The following CTTNBP2 variants were observed in gnomAD, a reference collection of about 807,000 sequenced individuals.
CTTNBP2 encodes the protein cortactin binding protein 2.
A neutral mutation model predicts 156.9 loss-of-function variants in CTTNBP2; 108 were observed. The ratio of observed to expected loss-of-function variants is 0.69; its 90% CI spans 0.59 to 0.81. The LOEUF is 0.81. CTTNBP2 is among the 30% of genes least tolerant of loss of function. CTTNBP2 has a pLI of 0.00. For missense variants in CTTNBP2, 1,924 were observed against 2,035.4 expected (o/e 0.95, Z 1.05); for synonymous variants, 767 against 751.8 (o/e 1.02, Z -0.33).
intron 2 of CTTNBP2, among the ~76,000 whole-genome samples, chr7:117,829,829 C>G (rs780110073): frequency 2.0e-4 from 30 of 152,198 alleles, no homozygotes; most frequent in Non-Finnish European, 3.8e-4. Flanking sequence ...ATAGTTTGAG[C>G]TGTCTCAGTA....
chr7:117,826,863 ATTATTATTAT>A (rs1801317812), intron 2 of CTTNBP2, among the ~76,000 whole-genome samples: 1 of 144,276 alleles, frequency 6.9e-6, no homozygotes, highest in South Asian at 2.1e-4. Context: ...TATTATTATT[ATTATTATTAT>A]TATTTTGAGA....
chr7:117,780,430 C>A lies in CTTNBP2; in HGVS notation c.2523+11G>T. On this transcript the variant is annotated intron_variant, in intron 7 of 22. Transcript: ENST00000160373. ...ATATATACAGGGGGAAAAAAACAGA[C>A]TGCTACTCACTGTGGTTTTTACACT... is the stretch of plus-strand genomic sequence containing the variant. The A allele has an allele frequency of 6.5e-7, 1 of 1,526,808 alleles. No individual in the cohort carries two copies. The highest frequency in any genetic ancestry group is 8.8e-7 in the Non-Finnish European group (1 of 1,140,828). The allele number at this position is 1,526,808 out of a possible 1,614,324, so 94.6% of individuals were successfully genotyped here. A position where few individuals can be genotyped will look rare whatever the true frequency, so the allele number is the denominator to read the frequency against.
At chr7:117,738,133 C>T (rs542182167) in intron 14 of CTTNBP2, among the ~76,000 whole-genome samples, 8 of 152,152 alleles carry the variant, frequency 5.3e-5, no homozygotes, top group East Asian at 1.9e-4. Flanking sequence ...CTGCAGGAAT[C>T]GCTGGACCCA....
rs111578595 is a variant in CTTNBP2 at position 117,718,503 on chromosome 7, C to T, written c.4645-384G>A. 3.6e-4 allele frequency among the ~76,000 whole-genome samples: 55 copies of T among 152,204 alleles called. 1 individual carries two copies. Among genetic ancestry groups the T allele is most frequent in the African/African-American group, 1.2e-3 (49 of 41,536 alleles). ...TAAATAAGAGTGAATTCTACTTTGT[C>T]GTAGATATTATGACGATTCAAATAA... On this transcript the variant is annotated intron_variant, in intron 21 of 22. Coordinates refer to ENST00000160373, the MANE Select transcript of CTTNBP2 (RefSeq NM_033427.3).
intron 6 of CTTNBP2, among the ~76,000 whole-genome samples, chr7:117,782,643 C>T (rs945859702): frequency 6.6e-6 from 1 of 152,186 alleles, no homozygotes; most frequent in Non-Finnish European, 1.5e-5. Flanking sequence ...AGTTGGGACA[C>T]AGCCCAGTTC....
At chr7:117,760,298 A>T in intron 10 of CTTNBP2, 137 bp downstream of exon 10, 2 of 782,180 alleles carry the variant, frequency 2.6e-6, no homozygotes, top group South Asian at 3.8e-5. Flanking sequence ...TGAATACTCA[A>T]GTTTTTCAGC....
chr7:117,824,434 C>T (rs1373980148), intron 2 of CTTNBP2, among the ~76,000 whole-genome samples: 1 of 152,068 alleles, frequency 6.6e-6, no homozygotes, highest in Non-Finnish European at 1.5e-5. Context: ...TCACTTTAAT[C>T]CTTTCCACTG....
In CTTNBP2 at chr7:117,767,058, C is replaced by T. The variant is rs1293882756; in HGVS notation, c.2896+1G>A. 2 of 1,501,588 alleles carry T rather than the reference C, an allele frequency of 1.3e-6. No individual in the cohort carries two copies. Among genetic ancestry groups the T allele is most frequent in the Admixed American group, 3.3e-5 (2 of 59,836 alleles). 93.0% of individuals were successfully genotyped at this position (1,501,588 alleles called of 1,614,324 possible). ...AACAATAAGCTCTGAACATCACTCA[C>T]TCAGATTCTCCAGCAAATGCTTGCA... On this transcript the variant is annotated splice_donor_variant, in intron 9 of 22. Transcript: ENST00000160373. LOFTEE classifies it high-confidence loss of function.
At chr7:117,784,669 A>G (rs1415225922) in intron 4 of CTTNBP2, among the ~76,000 whole-genome samples, 1 of 152,220 alleles carries the variant, frequency 6.6e-6, no homozygotes, top group East Asian at 1.9e-4. Context: ...ATCAACATAC[A>G]TGGTAAAAAA....
chr7:117,724,624 T>C lies in CTTNBP2; in HGVS notation c.4370A>G (p.Lys1457Arg). 1 of 1,614,150 alleles carries C rather than the reference T, an allele frequency of 6.2e-7. No individual in the cohort carries two copies. The highest frequency in any genetic ancestry group is 8.5e-7 in the Non-Finnish European group (1 of 1,180,018). Residue 1457 changes from lysine to arginine, a missense_variant, in exon 19 of 23, where the codon AAG becomes AGG. Coordinates refer to ENST00000160373, the MANE Select transcript of CTTNBP2 (RefSeq NM_033427.3). ...CTTCCTGCGAGGACTGGTGTTCACC[T>C]TTCTCCAGGCACCACTCTCTCCTTT... ...KKKGESGAWR[K>R]VNTSPRRKSG... is the part of the protein sequence containing the mutation.
At chr7:117,824,425 C>T (rs1477329636) in intron 2 of CTTNBP2, among the ~76,000 whole-genome samples, 2 of 152,136 alleles carry the variant, frequency 1.3e-5, no homozygotes, top group Admixed American at 6.5e-5. Flanking sequence ...TCTACTTTAT[C>T]ACTTTAATCC....
At position 117,711,543 on chromosome 7, in the gene CTTNBP2, G is replaced by A. The variant is rs1297975595; in HGVS notation, c.4986C>T (p.Asn1662=). 1.9e-6 allele frequency: 3 copies of A among 1,611,894 alleles called. No individual in the cohort carries two copies. The highest frequency in any genetic ancestry group is 1.3e-5 in the African/African-American group (1 of 74,656). Residue 1662 remains asparagine, a synonymous_variant, in exon 23 of 23, where the codon AAC becomes AAT. Transcript: ENST00000160373. ...LHKNEHLEKP[N]K is the part of the protein sequence containing the mutation. ...GAGAATATTGTAGGCAGGCCTATTT[G>A]TTAGGTTTTTCTAGGTGTTCATTTT...
intron 10 of CTTNBP2, 21 bp from the exon 11 acceptor site, chr7:117,757,991 A>C (rs964916698): frequency 1.3e-6 from 2 of 1,590,534 alleles, no homozygotes; most frequent in Non-Finnish European, 1.7e-6. Context: ...AAAATGAAAT[A>C]AAATGTCAAG....
chr7:117,780,175 C>T (rs186496477), intron 7 of CTTNBP2, among the ~76,000 whole-genome samples: 1 of 152,248 alleles, frequency 6.6e-6, no homozygotes, highest in Non-Finnish European at 1.5e-5. Flanking sequence ...TGCCCTAGTT[C>T]TAAAAATAAT....
At chr7:117,797,866 C>T (rs1799408693) in intron 3 of CTTNBP2, among the ~76,000 whole-genome samples, 1 of 151,786 alleles carries the variant, frequency 6.6e-6, no homozygotes, top group Non-Finnish European at 1.5e-5. Context: ...AGAAAAAAGA[C>T]AGAATGCAGA....
Position 117,710,989 on chromosome 7 carries a change from A to C in CTTNBP2, c.*548T>G, listed in dbSNP as rs1794024430. The C allele has an allele frequency of 6.5e-6, 1 of 152,678 alleles. No homozygotes were observed. Among genetic ancestry groups the C allele is most frequent in the Non-Finnish European group, 1.5e-5 (1 of 68,062 alleles). The allele number at this position is 152,678 out of a possible 1,614,324, so 9.5% of individuals were successfully genotyped here. ...GATTTAAAACATAAAACTAGAATTT[A>C]ACAAGCAAAATACTTAATATGGCTT... On this transcript the variant is annotated 3_prime_UTR_variant, in exon 23 of 23. Coordinates refer to ENST00000160373, the MANE Select transcript of CTTNBP2 (RefSeq NM_033427.3).
intron 1 of CTTNBP2, 31 bp downstream of exon 1, chr7:117,873,304 A>G (rs1804757410): frequency 1.4e-6 from 2 of 1,408,552 alleles, no homozygotes; most frequent in Non-Finnish European, 1.8e-6. Context: ...CGTCTACACT[A>G]GCCCCGCGCC....
chr7:117,729,222 G>A (rs759956060), intron 16 of CTTNBP2, among the ~76,000 whole-genome samples: 4 of 152,218 alleles, frequency 2.6e-5, no homozygotes, highest in Non-Finnish European at 5.9e-5. Flanking sequence ...AATGTAATCT[G>A]TCTTTCCTAA....
At chr7:117,842,055 G>A (rs1563059702) in intron 2 of CTTNBP2, among the ~76,000 whole-genome samples, 1 of 152,116 alleles carries the variant, frequency 6.6e-6, no homozygotes, top group Non-Finnish European at 1.5e-5. Context: ...GCTCTTCCAG[G>A]CTTCATGGTA....
Sources: gnomAD v4.1 joint callset for allele counts (sites outside exome capture counted in the v4.1 genomes callset) on GRCh38, gnomAD v4.1.1 for gene constraint, MANE v1.5 for transcripts, NCBI Gene and HGNC (gene_info 2026-07-23, HGNC 2026-07-21) for gene names.